ZNF430: variants seen among roughly 807,000 people sequenced by gnomAD.
ZNF430 encodes the protein zinc finger protein 430.
Under a neutral mutation model 56.7 loss-of-function variants are expected in ZNF430, and 35 were observed. The ratio of observed to expected loss-of-function variants is 0.62; its 90% confidence interval spans 0.47 to 0.82. The LOEUF (loss-of-function observed/expected upper bound fraction) is 0.82. Among genes scored for constraint, ZNF430 ranks in the 40% least tolerant of loss-of-function variants. ZNF430 has a pLI of 0.00. For synonymous variants in ZNF430, 212 were observed against 224.3 expected, an observed-to-expected ratio of 0.94 and a Z score of 0.49; for missense variants, 574 against 661.0, an observed-to-expected ratio of 0.87 and a Z score of 1.44.
rs55772412 is a variant in ZNF430 at position 21,054,669 on chromosome 19, C to CTTTTTTTTTTTTTTTTTTTTTTTT, written c.323-1961_323-1938dup. ...TTTTTGAGCTTCTTCATTTTTACGT[C>CTTTTTTTTTTTTTTTTTTTTTTTT]TTTTTTTTTTTTTTTTTTTTTTTTG... On this transcript the variant is annotated intron_variant, in intron 4 of 4. Coordinates refer to ENST00000261560, the MANE Select transcript of ZNF430 (RefSeq NM_025189.4). Among the ~76,000 whole-genome samples the CTTTTTTTTTTTTTTTTTTTTTTTT allele has an allele frequency of 7.6e-5, 5 of 65,596 alleles. 1 individual carries two copies. Among genetic ancestry groups the CTTTTTTTTTTTTTTTTTTTTTTTT allele is most frequent in the African/African-American group, 2.5e-4 (4 of 15,714 alleles). 43.0% of individuals were successfully genotyped at this position (65,596 alleles called of 152,430 possible).
intron 2 of ZNF430, among the ~76,000 whole-genome samples, chr19:21,026,855 C>T (rs1386307510): frequency 7.4e-5 from 2 of 26,944 alleles, no homozygotes; most frequent in Admixed American, 1.8e-3. Flanking sequence ...TTTTTTGAGA[C>T]AGAGTCTTGC....
intron 4 of ZNF430, chr19:21,049,365 T>C (rs1011938557): frequency 6.6e-6 from 1 of 152,046 alleles, no homozygotes; most frequent in African/African-American, 2.4e-5. Flanking sequence ...TGCACCATTA[T>C]GATAGTAAAA....
intron 4 of ZNF430, 151 bp downstream of exon 4, chr19:21,034,335 G>A (rs534866691): frequency 1.8e-6 from 1 of 562,780 alleles, no homozygotes; most frequent in African/African-American, 1.9e-5. Context: ...CCTCGCATAG[G>A]GTCATCTTCT....
At chr19:21,049,129 G>T (rs1380557504) in intron 4 of ZNF430, among the ~76,000 whole-genome samples, 1 of 130,422 alleles carries the variant, frequency 7.7e-6, no homozygotes, top group Non-Finnish European at 1.5e-5. Context: ...AGCCGAGATT[G>T]CGCCACTGCA....
chr19:21,021,148 G>A (rs1458512429), intron 1 of ZNF430, among the ~76,000 whole-genome samples: 1 of 152,014 alleles, frequency 6.6e-6, no homozygotes, highest in Non-Finnish European at 1.5e-5. Flanking sequence ...CTTGGGGTGC[G>A]AGTTCATGAA....
chr19:21,049,199 TAAAA>T (rs1316391557), intron 4 of ZNF430, among the ~76,000 whole-genome samples: 1 of 118,350 alleles, frequency 8.4e-6, no homozygotes. Flanking sequence ...AAAAAAAAAG[TAAAA>T]AAGATATATT....
rs374855726 is a variant in ZNF430, at chr19:21,020,950, C to T, written c.3+147C>T. Reference sequence around the variant, plus strand: ...TGCCCAGCTGGGCCTCAGTCCCCATCAGCCTTAAGATGGCGGCTGCGCTGA... The same window carrying T: ...TGCCCAGCTGGGCCTCAGTCCCCATTAGCCTTAAGATGGCGGCTGCGCTGA... On this transcript the variant is annotated intron_variant, in intron 1 of 4. Coordinates refer to ENST00000261560, the MANE Select transcript of ZNF430 (RefSeq NM_025189.4). 1.5e-4 allele frequency: 172 copies of T among 1,158,904 alleles called. 1 individual carries two copies. The African/African-American group carries it at 2.4e-3, about 16-fold the overall frequency. 71.8% of individuals were successfully genotyped at this position (1,158,904 alleles called of 1,614,324 possible).
rs375938971 is a variant in ZNF430 at position 21,056,647 on chromosome 19, T to C, written c.339T>C (p.Phe113=). ...VDQPPVTYSH[F]AQDLWPEQGI... is the part of the protein sequence containing the mutation. ...TTCTTTCAGTTACATATTCTCATTT[T>C]GCCCAAGACCTTTGGCCAGAGCAGG... Residue 113 remains phenylalanine (F), a synonymous_variant, in exon 5 of 5, where the codon TTT becomes TTC. Transcript: ENST00000261560. 4 of 1,516,798 alleles carry C rather than the reference T, an allele frequency of 2.6e-6. No homozygotes were observed. The African/African-American group carries it at 4.2e-5, about 16-fold the overall frequency. The allele number at this position is 1,516,798 out of a possible 1,614,324, so 94.0% of individuals were successfully genotyped here.
chr19:21,042,644 T>C (rs1422537256), intron 4 of ZNF430, among the ~76,000 whole-genome samples: 2 of 152,146 alleles, frequency 1.3e-5, no homozygotes, highest in East Asian at 3.9e-4. Context: ...AAAAATTAGC[T>C]GGGCGTGGTG....
Position 21,022,852 on chromosome 19 carries a change from A to C in ZNF430, c.67A>C (p.Asn23His), listed in dbSNP as rs1255924166. ...AAGTGGATGCCCTGGGGCTGACAGG[A>C]ATCTTCTGGTGTACTCTTTTTATGA... ...EASGCPGADR[N>H]LLVYSFYEKG... is the part of the protein sequence containing the mutation. The change falls in exon 2 of 5, where the codon AAT becomes CAT. Residue 23 changes from asparagine (N) to histidine (H), a missense_variant. Asn to His is a moderately conservative substitution (Grantham distance 68, BLOSUM62 1). This residue lies in a region of ZNF430 where 346 missense variants were observed against 399.1 expected (regional missense o/e 0.87). Coordinates refer to ENST00000261560, the MANE Select transcript of ZNF430 (RefSeq NM_025189.4). The C allele has an allele frequency of 1.9e-6, 3 of 1,613,852 alleles. No homozygotes were observed. The South Asian group carries it at 3.3e-5, about 18-fold the overall frequency.
chr19:21,056,562 G>C, intron 4 of ZNF430, 69 bp from the exon 5 acceptor site: 1 of 1,169,466 alleles, frequency 8.6e-7, no homozygotes, highest in Non-Finnish European at 1.2e-6. Flanking sequence ...AATTATATGG[G>C]TTAGATTTGT....
chr19:21,039,030 A>G (rs983675625), intron 4 of ZNF430, among the ~76,000 whole-genome samples: 48 of 151,878 alleles, frequency 3.2e-4, no homozygotes, highest in Non-Finnish European at 7.4e-5. Flanking sequence ...GCTCACTTCA[A>G]CCTCCGCCTC....
At chr19:21,026,835 T>TTTC (rs1434531146) in intron 2 of ZNF430, among the ~76,000 whole-genome samples, 3 of 123,342 alleles carry the variant, frequency 2.4e-5, no homozygotes, top group African/African-American at 8.6e-5. Flanking sequence ...TTCTTTTTTT[T>TTTC]TTTTTTTTTT....
At chr19:21,026,686 A>G (rs375025636) in intron 2 of ZNF430, among the ~76,000 whole-genome samples, 43 of 152,174 alleles carry the variant, frequency 2.8e-4, no homozygotes, top group African/African-American at 8.7e-4. Flanking sequence ...GTATCCTGAA[A>G]CTTTGCTAAA....
chr19:21,034,441 C>T (rs1967958653), intron 4 of ZNF430: 1 of 325,634 alleles, frequency 3.1e-6, no homozygotes, highest in East Asian at 5.0e-5. Flanking sequence ...ATGCGAGACT[C>T]ACAATCTGAC....
chr19:21,049,697 C>CTTGTTACATTTCGTGTAACATTTT, intron 4 of ZNF430: 1 of 152,142 alleles, frequency 6.6e-6, no homozygotes, highest in Non-Finnish European at 1.5e-5. Flanking sequence ...TGCAACATTT[C>CTTGTTACATTTCGTGTAACATTTT]TTGTTACATT....
At chr19:21,025,957 C>T in intron 2 of ZNF430, 1 of 418,928 alleles carries the variant, frequency 2.4e-6, no homozygotes, top group South Asian at 2.0e-5. Flanking sequence ...CAGAGTGATC[C>T]ATAAACCTGG....
chr19:21,030,656 C>T (rs1448657001), intron 2 of ZNF430, among the ~76,000 whole-genome samples: 3 of 119,964 alleles, frequency 2.5e-5, no homozygotes, highest in African/African-American at 9.0e-5. Flanking sequence ...GTAAGGGACT[C>T]TGTGCTGTAC....
At chr19:21,028,109 C>T (rs1967836555) in intron 2 of ZNF430, among the ~76,000 whole-genome samples, 2 of 152,148 alleles carry the variant, frequency 1.3e-5, no homozygotes, top group African/African-American at 4.8e-5. Flanking sequence ...CTGGGATTTA[C>T]AGGACACGGC....
Sources: gnomAD v4.1 joint callset for allele counts (sites outside exome capture counted in the v4.1 genomes callset) on GRCh38, gnomAD v4.1.1 for gene constraint, gnomAD v4.1.1 regional missense constraint, MANE v1.5 for transcripts, NCBI Gene and HGNC (gene_info 2026-07-23, HGNC 2026-07-21) for gene names.